Variants in RAP2C observed in about 807,000 individuals in gnomAD.
The protein encoded by RAP2C is RAP2C, member of RAS oncogene family.
Under a neutral mutation model 8.9 loss-of-function variants are expected in RAP2C, and 3 were observed. That is an observed-to-expected ratio of 0.34 (90% CI 0.15 to 0.87). The LOEUF (loss-of-function observed/expected upper bound fraction) is 0.87, where lower values mean the gene tolerates loss of function less well. Ranked by LOEUF, RAP2C falls within the 40% of genes least tolerant of loss-of-function variation. The probability of loss-of-function intolerance (pLI) is 0.51; values close to 1 mark genes in which losing one functional copy is unlikely to be tolerated. For synonymous variants in RAP2C, 60 were observed against 52.1 expected, an observed-to-expected ratio of 1.15 and a Z score of -0.65; for missense variants, 76 against 133.7, an observed-to-expected ratio of 0.57 and a Z score of 2.13.
chrX:132,212,073 C>T (rs1930446660), intron 5 of RAP2C, among the ~76,000 whole-genome samples: 1 of 109,465 alleles, frequency 9.1e-6, no homozygotes, highest in Non-Finnish European at 1.9e-5. Context: ...ATATAGTGCA[C>T]TTTGTTCTAA....
At chrX:132,216,531 C>T (rs867443047) in intron 4 of RAP2C, among the ~76,000 whole-genome samples, 1 of 1,343 alleles carries the variant, frequency 7.4e-4, no homozygotes, top group East Asian at 0.016. Context: ...GGGAGGGCGG[C>T]GGGAGGGGGT....
intron 5 of RAP2C, among the ~76,000 whole-genome samples, chrX:132,208,076 C>G (rs143058437): frequency 1.8e-4 from 20 of 110,861 alleles, no homozygotes; most frequent in African/African-American, 6.2e-4. Context: ...AATAGGGTCT[C>G]CCAAGTCGGG....
At chrX:132,212,271 A>G (rs777164943) in intron 5 of RAP2C, among the ~76,000 whole-genome samples, 1 of 111,871 alleles carries the variant, frequency 8.9e-6, no homozygotes, top group Admixed American at 9.5e-5. Context: ...TAGTATGTTA[A>G]TTAACAAAAA....
intron 1 of RAP2C, chrX:132,218,703 T>G (rs1361247180): frequency 8.9e-6 from 1 of 111,732 alleles, no homozygotes; most frequent in Non-Finnish European, 1.9e-5. Context: ...AGATCCGCCT[T>G]GACTTTACCA....
intron 4 of RAP2C, chrX:132,214,687 C>T (rs762391984): frequency 5.6e-6 from 2 of 354,587 alleles, no homozygotes; most frequent in Non-Finnish European, 3.6e-6. Context: ...GCACACTAAC[C>T]TTGACTCATA....
rs761354665 is a variant in RAP2C at position 132,213,712 on chromosome X, G to C, written c.*34+422C>G. On this transcript the variant is annotated intron_variant, in intron 5 of 5. Coordinates refer to ENST00000370874, the MANE Select transcript of RAP2C (RefSeq NM_001271186.2). Reference sequence around the variant, plus strand: ...TAGTAAATTGGTGATTTTAATTGCAGCAATTTGCTTGCTCAGGACATAAAA... The same window carrying C: ...TAGTAAATTGGTGATTTTAATTGCACCAATTTGCTTGCTCAGGACATAAAA... Among the ~76,000 whole-genome samples, 9 of 111,974 alleles carry C rather than the reference G, an allele frequency of 8.0e-5. No individual in the cohort carries two copies. In the South Asian group the frequency reaches 1.1e-3, roughly 14 times the overall value.
intron 4 of RAP2C, among the ~76,000 whole-genome samples, chrX:132,215,094 G>C (rs1930536122): frequency 9.1e-6 from 1 of 110,476 alleles, no homozygotes; most frequent in East Asian, 2.8e-4. Flanking sequence ...AGTGCAAGGG[G>C]AGTCTGGGTG....
chrX:132,209,967 C>T (rs1427235932), intron 5 of RAP2C, among the ~76,000 whole-genome samples: 4 of 110,944 alleles, frequency 3.6e-5, no homozygotes, highest in African/African-American at 1.3e-4. Context: ...ACCCAAGGTT[C>T]GCTGAGGGCC....
At chrX:132,211,222 G>A (rs1484896092) in intron 5 of RAP2C, among the ~76,000 whole-genome samples, 5 of 111,378 alleles carry the variant, frequency 4.5e-5, no homozygotes, top group Non-Finnish European at 9.4e-5. Flanking sequence ...AAGAAACTCT[G>A]TTCCAGTTGG....
intron 4 of RAP2C, 68 bp from the exon 5 acceptor site, chrX:132,214,514 C>T (rs1930517392): frequency 9.0e-7 from 1 of 1,115,006 alleles, no homozygotes; most frequent in African/African-American, 1.8e-5. Context: ...AGAAATATTA[C>T]AGTATTACAA....
In RAP2C at chrX:132,214,396, T is replaced by A; in HGVS notation, c.324A>T (p.Lys108Asn). ...DQIVRVKRYE[K>N]VPLILVGNKV... Reference sequence around the variant, plus strand: ...TATTTCCTACTAGGATTAGTGGGACTTTTTCATATCTCTTCACTCTGACAA... The same window carrying A: ...TATTTCCTACTAGGATTAGTGGGACATTTTCATATCTCTTCACTCTGACAA... The change falls in exon 5 of 6, where the codon AAA (lysine) becomes AAT (asparagine). Residue 108 changes from lysine (K) to asparagine (N), a missense_variant. Transcript: ENST00000370874. 1 of 1,210,865 alleles carries A rather than the reference T, an allele frequency of 8.3e-7. No homozygotes were observed. Among genetic ancestry groups the A allele is most frequent in the Non-Finnish European group, 1.1e-6 (1 of 894,480 alleles).
intron 1 of RAP2C, 91 bp from the exon 2 acceptor site, chrX:132,218,432 G>T (rs1024198239): frequency 9.1e-6 from 1 of 110,328 alleles, no homozygotes; most frequent in Non-Finnish European, 1.9e-5. Context: ...ACCTCCAGCC[G>T]CCCGGCCCTA....
intron 5 of RAP2C, among the ~76,000 whole-genome samples, chrX:132,211,134 G>C (rs1057148753): frequency 9.0e-6 from 1 of 110,914 alleles, no homozygotes; most frequent in Non-Finnish European, 1.9e-5. Flanking sequence ...CTGTCATCTA[G>C]TGGGTAAAAG....
intron 5 of RAP2C, among the ~76,000 whole-genome samples, chrX:132,210,468 G>A (rs1194063146): frequency 8.9e-6 from 1 of 111,769 alleles, no homozygotes; most frequent in African/African-American, 3.3e-5. Flanking sequence ...AGCATCCCAG[G>A]CATTCTGCTG....
chrX:132,217,461 G>T lies in RAP2C; in HGVS notation c.-193C>A. ...GGGAAAGAGCGTAGAGTCGGGGAGG[G>T]TGGGGAAGGGATGGTAATGCCCTTC... On this transcript the variant is annotated 5_prime_UTR_variant, in exon 4 of 6. Coordinates refer to ENST00000370874, the MANE Select transcript of RAP2C (RefSeq NM_001271186.2). 6.8e-6 allele frequency: 2 copies of T among 294,787 alleles called. No homozygotes were observed. Among genetic ancestry groups the T allele is most frequent in the Non-Finnish European group, 6.0e-6 (1 of 168,060 alleles). The allele number at this position is 294,787 out of a possible 1,213,427, so 24.3% of individuals were successfully genotyped here.
In RAP2C at chrX:132,217,189, G is replaced by C; in HGVS notation, c.80C>G (p.Thr27Ser). The change falls in exon 4 of 6, where the codon ACT (threonine) becomes AGT (serine). Residue 27 changes from threonine (T) to serine (S), a missense_variant. Transcript: ENST00000370874. ...SALTVQFVTG[T>S]FIEKYDPTIE... ...GGTGGGGTCATATTTCTCAATGAAA[G>C]TCCCAGTGACAAACTGCACAGTAAG... 1 of 1,193,822 alleles carries C rather than the reference G, an allele frequency of 8.4e-7. No homozygotes were observed. The highest frequency in any genetic ancestry group is 1.9e-5 in the South Asian group (1 of 53,921).
chrX:132,218,764 C>G (rs1024977106), intron 1 of RAP2C: 1 of 111,912 alleles, frequency 8.9e-6, no homozygotes, highest in East Asian at 2.8e-4. Flanking sequence ...AAAACAGCAG[C>G]ATTAGAAGTA....
chrX:132,216,649 G>T (rs1463820045), intron 4 of RAP2C, among the ~76,000 whole-genome samples: 1 of 111,735 alleles, frequency 8.9e-6, no homozygotes, highest in East Asian at 2.8e-4. Context: ...ATTTACCCGA[G>T]ATTATTTGTT....
At chrX:132,207,456 C>G (rs1314942616) in intron 5 of RAP2C, among the ~76,000 whole-genome samples, 2 of 111,389 alleles carry the variant, frequency 1.8e-5, no homozygotes, top group African/African-American at 6.5e-5. Flanking sequence ...AACATTTGGT[C>G]TATCCACATC....
Sources: gnomAD v4.1 joint callset for allele counts (sites outside exome capture counted in the v4.1 genomes callset) on GRCh38, gnomAD v4.1.1 for gene constraint, MANE v1.5 for transcripts, NCBI Gene and HGNC (gene_info 2026-07-23, HGNC 2026-07-21) for gene names.